USP46: variants seen among roughly 807,000 people sequenced by gnomAD.
The protein encoded by USP46 is ubiquitin specific peptidase 46, also known as ubiquitin carboxyl-terminal hydrolase 46.
In USP46, 12 loss-of-function variants were observed where a neutral mutation model predicts 44.4. The observed-to-expected ratio is 0.27, with a 90% CI of 0.17 to 0.44. The LOEUF (loss-of-function observed/expected upper bound fraction) is 0.44, where lower values mean the gene tolerates loss of function less well. USP46 is among the 20% of genes least tolerant of loss of function. The pLI, the probability that USP46 is intolerant of heterozygous loss-of-function variation, is 1.00. For missense variants in USP46, 248 were observed against 444.8 expected (o/e 0.56, Z 3.98); for synonymous variants, 155 against 161.5 (o/e 0.96, Z 0.31).
intron 7 of USP46, among the ~76,000 whole-genome samples, chr4:52,599,682 G>A (rs1477870898): frequency 6.6e-6 from 1 of 152,174 alleles, no homozygotes; most frequent in East Asian, 1.9e-4. Flanking sequence ...CACAAGTGAG[G>A]AGATTTCAAT....
chr4:52,598,529 A>G, intron 8 of USP46, 99 bp downstream of exon 8: 1 of 1,225,824 alleles, frequency 8.2e-7, no homozygotes, highest in South Asian at 1.4e-5. Context: ...AAATTACATT[A>G]TGGGGAAACA....
At chr4:52,604,941 G>A (rs73248661) in intron 5 of USP46, among the ~76,000 whole-genome samples, 19,227 of 152,114 alleles carry the variant, frequency 0.13, 1,203 homozygotes, top group African/African-American at 0.16. Context: ...CTATAAGCTA[G>A]AAATTAAAAT....
At chr4:52,645,118 G>A (rs372803194) in intron 1 of USP46, among the ~76,000 whole-genome samples, 82 of 151,344 alleles carry the variant, frequency 5.4e-4, no homozygotes, top group Non-Finnish European at 8.5e-4. Flanking sequence ...CCATGTACTC[G>A]GGAGGCTGAG....
chr4:52,598,757 A>G, intron 7 of USP46, 51 bp from the exon 8 acceptor site: 1 of 1,512,834 alleles, frequency 6.6e-7, no homozygotes, highest in Non-Finnish European at 9.0e-7. Context: ...TTATCTCTTT[A>G]TAAAACTCTA....
In USP46 at chr4:52,608,051, A is replaced by C. The variant is rs141087151; in HGVS notation, c.638+2490T>G. Among the ~76,000 whole-genome samples, 40 of 152,306 alleles carry C rather than the reference A, an allele frequency of 2.6e-4. No homozygotes were observed. The East Asian group carries it at 7.1e-3, about 27-fold the overall frequency. ...AGTTATAGATCAAACTCCTTGTTCT[A>C]CTTTTACCCTCGTTCTCAGGAAGGA... On this transcript the variant is annotated intron_variant, in intron 5 of 8. Coordinates refer to ENST00000441222, the MANE Select transcript of USP46 (RefSeq NM_022832.4).
chr4:52,628,878 T>C lies in USP46; in HGVS notation c.118-715A>G, dbSNP rs747332006. 6.8e-4 allele frequency among the ~76,000 whole-genome samples: 104 copies of C among 152,286 alleles called. 1 individual carries two copies. Among genetic ancestry groups the C allele is most frequent in the Middle Eastern group, 6.8e-3 (2 of 294 alleles). On this transcript the variant is annotated intron_variant, in intron 2 of 8. Coordinates refer to ENST00000441222, the MANE Select transcript of USP46 (RefSeq NM_022832.4). Reference sequence around the variant, plus strand: ...CCAAGTTCCTAGCCTGCAATCACATTAGGGCCCACCCAGTAACATTTTATA... The same window carrying C: ...CCAAGTTCCTAGCCTGCAATCACATCAGGGCCCACCCAGTAACATTTTATA...
chr4:52,620,803 T>G (rs1011715347), intron 4 of USP46, among the ~76,000 whole-genome samples: 40 of 152,354 alleles, frequency 2.6e-4, no homozygotes, highest in African/African-American at 8.9e-4. Flanking sequence ...TCAGGTGCAC[T>G]AGAGTAAATG....
chr4:52,659,097 G>C lies in USP46; in HGVS notation c.36+18C>G. The C allele has an allele frequency of 6.4e-7, 1 of 1,555,310 alleles. No individual in the cohort carries two copies. The highest frequency in any genetic ancestry group is 1.2e-5 in the South Asian group (1 of 84,334). Reference sequence around the variant, plus strand: ...CGCCGCGAGTCGGGCGCGACCCCGAGGCGGCTCGGCCACTCACCATATTAC... The same window carrying C: ...CGCCGCGAGTCGGGCGCGACCCCGACGCGGCTCGGCCACTCACCATATTAC... On this transcript the variant is annotated intron_variant, in intron 1 of 8. Transcript: ENST00000441222. The surrounding 1 kb of genome is among the most constrained non-coding windows in gnomAD (Gnocchi z 4.2).
chr4:52,656,406 G>A (rs1393799631), intron 1 of USP46: 2 of 831,680 alleles, frequency 2.4e-6, no homozygotes, highest in African/African-American at 3.8e-5. Flanking sequence ...TCTCCTCTGG[G>A]AAGGAAGACT....
chr4:52,600,501 G>A (rs1041144406), intron 7 of USP46, among the ~76,000 whole-genome samples: 1 of 152,136 alleles, frequency 6.6e-6, no homozygotes. Flanking sequence ...ACTGAGCTCT[G>A]CTACCAGGGC....
intron 1 of USP46, among the ~76,000 whole-genome samples, chr4:52,649,324 T>C (rs987200052): frequency 6.6e-6 from 1 of 152,248 alleles, no homozygotes; most frequent in Non-Finnish European, 1.5e-5. Context: ...AGTGCTTCCA[T>C]GGGCAGGATC....
chr4:52,615,636 A>G (rs1717104148), intron 4 of USP46, among the ~76,000 whole-genome samples: 1 of 152,362 alleles, frequency 6.6e-6, no homozygotes, highest in Admixed American at 6.5e-5. Flanking sequence ...ATAAAAGACC[A>G]CATATTGTAT....
intron 4 of USP46, among the ~76,000 whole-genome samples, chr4:52,618,424 A>C (rs1717248204): frequency 6.6e-6 from 1 of 152,076 alleles, no homozygotes; most frequent in African/African-American, 2.4e-5. Flanking sequence ...CAGGAAGCAG[A>C]GGTTGCAGTA....
chr4:52,620,417 G>A, intron 4 of USP46, among the ~76,000 whole-genome samples: 1 of 152,040 alleles, frequency 6.6e-6, no homozygotes, highest in East Asian at 1.9e-4. Flanking sequence ...CTTCTTCACG[G>A]CATCTTGCAA....
Position 52,596,581 on chromosome 4 carries a change from C to T in USP46, c.*1059G>A, listed in dbSNP as rs1716251259. 6.6e-6 allele frequency: 1 copy of T among 152,174 alleles called. No individual in the cohort carries two copies. The highest frequency in any genetic ancestry group is 2.4e-5 in the African/African-American group (1 of 41,426). 9.4% of individuals were successfully genotyped at this position (152,174 alleles called of 1,614,324 possible). A position where few individuals can be genotyped will look rare whatever the true frequency, so the allele number is the denominator to read the frequency against. On this transcript the variant is annotated 3_prime_UTR_variant, in exon 9 of 9. Coordinates refer to ENST00000441222, the MANE Select transcript of USP46 (RefSeq NM_022832.4). ...CTATACCCAGCTAACTCTGGTATTCCCTCTAGGGAAGGTTCTGTATCAGCC... is the reference window on the plus strand; with the variant it reads ...CTATACCCAGCTAACTCTGGTATTCTCTCTAGGGAAGGTTCTGTATCAGCC...
intron 5 of USP46, among the ~76,000 whole-genome samples, chr4:52,608,683 T>C (rs1482678367): frequency 6.6e-6 from 1 of 152,166 alleles, no homozygotes; most frequent in East Asian, 1.9e-4. Flanking sequence ...TTCAATTACA[T>C]CAGAATCTCT....
chr4:52,632,001 T>G (rs530180135), intron 1 of USP46, among the ~76,000 whole-genome samples: 2 of 149,324 alleles, frequency 1.3e-5, no homozygotes, highest in East Asian at 2.0e-4. Flanking sequence ...TGAGACTCCA[T>G]TGGAAAGGGA....
At position 52,591,937 on chromosome 4, in the gene USP46, T is replaced by C. The variant is rs1336468687; in HGVS notation, c.*5703A>G. 1 of 152,186 alleles carries C rather than the reference T, an allele frequency of 6.6e-6. No individual in the cohort carries two copies. The allele number at this position is 152,186 out of a possible 1,614,324, so 9.4% of individuals were successfully genotyped here. ...GAGAAGAGGCAAAACGTGAAGTTCA[T>C]TGTTGCAACATAATCGATTTATACT... is the stretch of plus-strand genomic sequence containing the variant. On this transcript the variant is annotated 3_prime_UTR_variant, in exon 9 of 9. Coordinates refer to ENST00000441222, the MANE Select transcript of USP46 (RefSeq NM_022832.4).
At chr4:52,605,247 C>T (rs531668507) in intron 5 of USP46, among the ~76,000 whole-genome samples, 10 of 152,302 alleles carry the variant, frequency 6.6e-5, no homozygotes, top group African/African-American at 1.9e-4. Context: ...TGCCTGCCTC[C>T]TTTGGAGAAC....
Sources: gnomAD v4.1 joint callset for allele counts (sites outside exome capture counted in the v4.1 genomes callset) on GRCh38, gnomAD v4.1.1 for gene constraint, Gnocchi (gnomAD v3.1) non-coding constraint, MANE v1.5 for transcripts, NCBI Gene and HGNC (gene_info 2026-07-23, HGNC 2026-07-21) for gene names.